GRM7: variants seen among roughly 807,000 people sequenced by gnomAD.
GRM7 encodes metabotropic glutamate receptor 7.
Under a neutral mutation model 84.5 loss-of-function variants are expected in GRM7, and 35 were observed. The observed-to-expected ratio is 0.41, with a 90% CI of 0.32 to 0.55. GRM7 has a LOEUF of 0.55. Ranked by LOEUF, GRM7 falls within the 20% of genes least tolerant of loss-of-function variation. The pLI, the probability that GRM7 is intolerant of heterozygous loss-of-function variation, is 0.19. For synonymous variants in GRM7, 487 were observed against 455.1 expected, an observed-to-expected ratio of 1.07 and a Z score of -0.89; for missense variants, 1,003 against 1,194.6, an observed-to-expected ratio of 0.84 and a Z score of 2.36.
intron 1 of GRM7, among the ~76,000 whole-genome samples, chr3:7,072,859 G>A (rs576459196): frequency 6.6e-6 from 1 of 152,264 alleles, no homozygotes; most frequent in South Asian, 2.1e-4. Context: ...TTCTTTGTTT[G>A]AGGGGCTGCT....
At chr3:7,143,171 C>A (rs1574956143) in intron 1 of GRM7, among the ~76,000 whole-genome samples, 1 of 152,184 alleles carries the variant, frequency 6.6e-6, no homozygotes, top group Non-Finnish European at 1.5e-5. Context: ...GCTAAAGATG[C>A]CTAATTATCA....
chr3:7,405,854 T>A (rs1373932246), intron 4 of GRM7, among the ~76,000 whole-genome samples: 4 of 152,060 alleles, frequency 2.6e-5, no homozygotes, highest in Non-Finnish European at 5.9e-5. Flanking sequence ...TCATCTAATA[T>A]CAACAGTAGG....
At chr3:7,022,610 T>A (rs1195360861) in intron 1 of GRM7, among the ~76,000 whole-genome samples, 1 of 152,146 alleles carries the variant, frequency 6.6e-6, no homozygotes, top group Non-Finnish European at 1.5e-5. Flanking sequence ...TATATTAATA[T>A]GTGCATCCTT....
intron 1 of GRM7, among the ~76,000 whole-genome samples, chr3:7,140,741 A>G (rs1693919955): frequency 6.6e-6 from 1 of 152,044 alleles, no homozygotes; most frequent in Admixed American, 6.6e-5. Flanking sequence ...CTGTGTCTCA[A>G]GTAAAAATAA....
intron 7 of GRM7, among the ~76,000 whole-genome samples, chr3:7,570,235 C>A (rs1257982127): frequency 3.3e-5 from 5 of 152,146 alleles, no homozygotes; most frequent in Admixed American, 2.0e-4. Context: ...ATTCCAAAAC[C>A]AATCAAGCCT....
intron 1 of GRM7, among the ~76,000 whole-genome samples, chr3:7,057,832 A>G (rs540767909): frequency 6.6e-6 from 1 of 152,050 alleles, no homozygotes; most frequent in African/African-American, 2.4e-5. Flanking sequence ...TGCACACTCT[A>G]TCTCTATTGT....
chr3:7,677,186 C>T (rs922906377), intron 8 of GRM7, among the ~76,000 whole-genome samples: 4 of 146,462 alleles, frequency 2.7e-5, no homozygotes, highest in Admixed American at 2.1e-4. Flanking sequence ...CGCTTGAACC[C>T]GTGAGGCAGA....
At chr3:7,587,884 C>T (rs535077613) in intron 8 of GRM7, among the ~76,000 whole-genome samples, 7 of 152,232 alleles carry the variant, frequency 4.6e-5, no homozygotes, top group African/African-American at 1.7e-4. Context: ...GGTACCTTTA[C>T]TTCCCCCTTC....
intron 5 of GRM7, among the ~76,000 whole-genome samples, chr3:7,436,274 T>C (rs1465261610): frequency 3.3e-5 from 5 of 152,214 alleles, no homozygotes; most frequent in South Asian, 4.1e-4. Flanking sequence ...TTATAGTTTT[T>C]TTCTTCTTCT....
intron 8 of GRM7, 38 bp downstream of exon 8, chr3:7,579,395 A>C: frequency 7.9e-7 from 1 of 1,263,618 alleles, no homozygotes; most frequent in South Asian, 1.5e-5. Flanking sequence ...TTTTTTAAAA[A>C]TGTGTTCATT....
intron 8 of GRM7, among the ~76,000 whole-genome samples, chr3:7,617,362 A>G (rs111373438): frequency 4.7e-4 from 71 of 152,274 alleles, no homozygotes; most frequent in South Asian, 2.3e-3. Context: ...TGGGTGTGCT[A>G]GATATCCATT....
At chr3:7,475,781 C>T (rs375655849) in intron 7 of GRM7, among the ~76,000 whole-genome samples, 7 of 152,228 alleles carry the variant, frequency 4.6e-5, no homozygotes, top group African/African-American at 1.2e-4. Flanking sequence ...TAGGCATATC[C>T]GGTATTGTGG....
intron 4 of GRM7, among the ~76,000 whole-genome samples, chr3:7,339,975 T>C (rs1016301869): frequency 1.3e-5 from 2 of 152,152 alleles, no homozygotes; most frequent in South Asian, 2.1e-4. Flanking sequence ...AATCCTTGCA[T>C]AGCTAAGAAA....
At chr3:7,293,313 C>G (rs769079683) in intron 2 of GRM7, among the ~76,000 whole-genome samples, 31 of 152,054 alleles carry the variant, frequency 2.0e-4, no homozygotes, top group African/African-American at 6.8e-4. Context: ...AGCTACCATG[C>G]GCAGACAGAA....
intron 1 of GRM7, among the ~76,000 whole-genome samples, chr3:7,031,737 T>A (rs1696191429): frequency 6.6e-6 from 1 of 152,176 alleles, no homozygotes; most frequent in African/African-American, 2.4e-5. Flanking sequence ...AACATATTCA[T>A]AGATGATTTT....
intron 1 of GRM7, among the ~76,000 whole-genome samples, chr3:7,024,060 G>T (rs574343558): frequency 6.6e-6 from 1 of 152,126 alleles, no homozygotes; most frequent in Non-Finnish European, 1.5e-5. Context: ...AGGACAACTC[G>T]GTTCAAGTGG....
intron 9 of GRM7, among the ~76,000 whole-genome samples, chr3:7,735,565 A>T (rs879873944): frequency 2.0e-5 from 3 of 152,218 alleles, no homozygotes; most frequent in Admixed American, 2.0e-4. Context: ...CACATAATAC[A>T]TGCTCAATAA....
intron 1 of GRM7, among the ~76,000 whole-genome samples, chr3:7,087,852 T>C (rs1436924497): frequency 6.6e-6 from 1 of 152,212 alleles, no homozygotes; most frequent in Non-Finnish European, 1.5e-5. Context: ...GTGTAATGAC[T>C]TTATTAGTGT....
intron 2 of GRM7, among the ~76,000 whole-genome samples, chr3:7,220,931 A>T (rs901183876): frequency 3.9e-5 from 6 of 152,148 alleles, no homozygotes; most frequent in Admixed American, 1.3e-4. Context: ...TGTCTCTACC[A>T]AAACTACAAA....
Sources: gnomAD v4.1 joint callset for allele counts (sites outside exome capture counted in the v4.1 genomes callset) on GRCh38, gnomAD v4.1.1 for gene constraint, MANE v1.5 for transcripts, NCBI Gene and HGNC (gene_info 2026-07-23, HGNC 2026-07-21) for gene names.